The following PPM1L variants were observed in gnomAD, a reference collection of about 807,000 sequenced individuals.
PPM1L encodes the protein protein phosphatase 1L.
A neutral mutation model predicts 31.4 loss-of-function variants in PPM1L; 13 were observed. The ratio of observed to expected loss-of-function variants is 0.41; its 90% CI spans 0.27 to 0.66. PPM1L has a LOEUF of 0.66. Among genes scored for constraint, PPM1L ranks in the 30% least tolerant of loss-of-function variants. PPM1L has a pLI of 0.29. For synonymous variants in PPM1L, 184 were observed against 175.4 expected, an observed-to-expected ratio of 1.05 and a Z score of -0.39; for missense variants, 326 against 453.7, an observed-to-expected ratio of 0.72 and a Z score of 2.56.
intron 1 of PPM1L, among the ~76,000 whole-genome samples, chr3:160,937,588 C>T (rs373281809): frequency 6.6e-6 from 1 of 152,056 alleles, no homozygotes; most frequent in Non-Finnish European, 1.5e-5. Flanking sequence ...CCACTGCACT[C>T]CAGCCTGGGT....
At chr3:160,886,278 G>A (rs1712913591) in intron 1 of PPM1L, among the ~76,000 whole-genome samples, 1 of 152,182 alleles carries the variant, frequency 6.6e-6, no homozygotes, top group Non-Finnish European at 1.5e-5. Context: ...TTTTCTTCCT[G>A]GCAGTTCTGA....
chr3:160,764,889 T>C (rs1281813701), intron 1 of PPM1L, among the ~76,000 whole-genome samples: 1 of 150,360 alleles, frequency 6.7e-6, no homozygotes, highest in East Asian at 1.9e-4. Flanking sequence ...TAGGCTCCTC[T>C]AACTTCTTAC....
chr3:161,044,082 C>G (rs1251909266), intron 2 of PPM1L, among the ~76,000 whole-genome samples: 1 of 152,160 alleles, frequency 6.6e-6, no homozygotes, highest in Non-Finnish European at 1.5e-5. Flanking sequence ...CTCTGTCACC[C>G]AGGGTAGAGT....
At chr3:160,804,423 T>C (rs768143473) in intron 1 of PPM1L, among the ~76,000 whole-genome samples, 7 of 152,224 alleles carry the variant, frequency 4.6e-5, no homozygotes, top group Non-Finnish European at 1.0e-4. Flanking sequence ...AGAAATGACA[T>C]GCAGAGGCTA....
intron 2 of PPM1L, among the ~76,000 whole-genome samples, chr3:160,997,199 G>T (rs961182407): frequency 1.1e-4 from 16 of 152,134 alleles, no homozygotes; most frequent in African/African-American, 3.9e-4. Context: ...AATGTCAGTG[G>T]TATAGAAGGT....
intron 1 of PPM1L, among the ~76,000 whole-genome samples, chr3:160,873,240 T>A (rs1335313954): frequency 6.6e-6 from 1 of 152,168 alleles, no homozygotes; most frequent in Non-Finnish European, 1.5e-5. Context: ...CATATGGGCA[T>A]CTCTCCCTTA....
chr3:160,944,319 A>G (rs957156182), intron 1 of PPM1L, among the ~76,000 whole-genome samples: 1 of 151,924 alleles, frequency 6.6e-6, no homozygotes, highest in Non-Finnish European at 1.5e-5. Context: ...CAGTTTTGAG[A>G]ATCTAAAGTT....
At chr3:160,935,964 C>G (rs1714957249) in intron 1 of PPM1L, among the ~76,000 whole-genome samples, 1 of 152,170 alleles carries the variant, frequency 6.6e-6, no homozygotes, top group Non-Finnish European at 1.5e-5. Context: ...AGAAGAAACA[C>G]ATCTGGAGAT....
intron 1 of PPM1L, among the ~76,000 whole-genome samples, chr3:160,843,022 T>G (rs961310662): frequency 6.6e-6 from 1 of 152,178 alleles, no homozygotes; most frequent in African/African-American, 2.4e-5. Context: ...TTTCCAATAG[T>G]TTTTGGCTTT....
intron 1 of PPM1L, among the ~76,000 whole-genome samples, chr3:160,926,543 C>T (rs1992853): frequency 6.6e-6 from 1 of 152,278 alleles, no homozygotes; most frequent in East Asian, 1.9e-4. Context: ...GAACCTCCCC[C>T]CCTTAATGCC....
Position 160,970,787 on chromosome 3 carries a change from A to ATTCTTTTTTTTTTTTTT in PPM1L, c.574+8879_574+8880insCTTTTTTTTTTTTTTTT, listed in dbSNP as rs1360956984. ...CAAGCTGATTTTAATTTCAGTTATA[A>ATTCTTTTTTTTTTTTTT]TTTTTTTTTTTTTTTTTTTTTTGAG... On this transcript the variant is annotated intron_variant, in intron 2 of 3. Coordinates refer to ENST00000498165, the MANE Select transcript of PPM1L (RefSeq NM_139245.4). Among the ~76,000 whole-genome samples, 8 of 97,190 alleles carry ATTCTTTTTTTTTTTTTT rather than the reference A, an allele frequency of 8.2e-5. 2 individuals carry two copies. Among genetic ancestry groups the ATTCTTTTTTTTTTTTTT allele is most frequent in the South Asian group, 3.2e-4 (1 of 3,144 alleles). 63.8% of individuals were successfully genotyped at this position (97,190 alleles called of 152,430 possible).
At chr3:160,799,346 C>T (rs1454262414) in intron 1 of PPM1L, among the ~76,000 whole-genome samples, 3 of 152,128 alleles carry the variant, frequency 2.0e-5, no homozygotes, top group African/African-American at 7.2e-5. Flanking sequence ...TTAAGAATTG[C>T]CACACCTACC....
intron 2 of PPM1L, among the ~76,000 whole-genome samples, chr3:161,002,198 T>C (rs1339954227): frequency 2.0e-5 from 3 of 152,230 alleles, no homozygotes; most frequent in African/African-American, 7.2e-5. Flanking sequence ...TAGTATTCCA[T>C]GGTGTATATG....
intron 1 of PPM1L, among the ~76,000 whole-genome samples, chr3:160,886,323 C>G (rs1451655709): frequency 6.6e-6 from 1 of 152,194 alleles, no homozygotes; most frequent in East Asian, 1.9e-4. Flanking sequence ...GGGTTTCCCC[C>G]AGCAAAGCAC....
chr3:160,878,732 A>G (rs191574868), intron 1 of PPM1L, among the ~76,000 whole-genome samples: 124 of 152,360 alleles, frequency 8.1e-4, no homozygotes, highest in African/African-American at 2.9e-3. Context: ...AAGTGGGAGA[A>G]GCAGGTACTG....
At chr3:160,808,213 GT>G (rs1449055977) in intron 1 of PPM1L, among the ~76,000 whole-genome samples, 1 of 152,028 alleles carries the variant, frequency 6.6e-6, no homozygotes, top group Admixed American at 6.6e-5. Flanking sequence ...AATCAACTCT[GT>G]TTTCCCCTTT....
chr3:161,005,635 T>C (rs948522066), intron 2 of PPM1L, among the ~76,000 whole-genome samples: 2 of 152,206 alleles, frequency 1.3e-5, no homozygotes, highest in African/African-American at 2.4e-5. Context: ...GCCACTCAGT[T>C]ACCTCTATGA....
At chr3:161,007,190 C>T (rs6806054) in intron 2 of PPM1L, among the ~76,000 whole-genome samples, 88,395 of 152,042 alleles carry the variant, frequency 0.58, 27,064 homozygotes, top group East Asian at 0.92. Flanking sequence ...AACAAGTAAA[C>T]ATATAGTCTG....
At chr3:160,872,900 C>T (rs565114995) in intron 1 of PPM1L, among the ~76,000 whole-genome samples, 1 of 152,198 alleles carries the variant, frequency 6.6e-6, no homozygotes, top group East Asian at 1.9e-4. Flanking sequence ...ACACTCCAGC[C>T]TGGGCGGCAC....
Sources: gnomAD v4.1 joint callset for allele counts (sites outside exome capture counted in the v4.1 genomes callset) on GRCh38, gnomAD v4.1.1 for gene constraint, MANE v1.5 for transcripts, NCBI Gene and HGNC (gene_info 2026-07-23, HGNC 2026-07-21) for gene names.